SBF2: variants seen among roughly 807,000 people sequenced by gnomAD.
SBF2 encodes the protein SET binding factor 2, also known as myotubularin-related protein 13.
SBF2 carries 112 observed loss-of-function variants against 225.2 expected under a neutral mutation model. The ratio of observed to expected loss-of-function variants is 0.50; its 90% CI spans 0.43 to 0.58. SBF2 has a LOEUF of 0.58. Among genes scored for constraint, SBF2 ranks in the 20% least tolerant of loss-of-function variants. The pLI is 0.00. For missense variants in SBF2, 1,996 were observed against 2,206.2 expected, an observed-to-expected ratio of 0.90 and a Z score of 1.91; for synonymous variants, 763 against 773.3, an observed-to-expected ratio of 0.99 and a Z score of 0.22.
intron 2 of SBF2, among the ~76,000 whole-genome samples, chr11:10,170,598 T>G (rs12800695): frequency 3.3e-5 from 5 of 152,068 alleles, no homozygotes; most frequent in Non-Finnish European, 7.4e-5. Context: ...TTTATTTTTA[T>G]TTTTTTGCTC....
chr11:9,991,598 A>G (rs187295124), intron 12 of SBF2, among the ~76,000 whole-genome samples: 1 of 152,314 alleles, frequency 6.6e-6, no homozygotes, highest in Admixed American at 6.5e-5. Context: ...TGAAATGAGA[A>G]TAATATTCTT....
chr11:9,794,705 A>AAAAAAAAAAAAAC (rs1478606052), intron 33 of SBF2, among the ~76,000 whole-genome samples: 3 of 145,206 alleles, frequency 2.1e-5, no homozygotes, highest in East Asian at 2.0e-4. Flanking sequence ...AAAAAAAAAA[A>AAAAAAAAAAAAAC]AAGACCAGGC....
intron 2 of SBF2, among the ~76,000 whole-genome samples, chr11:10,192,206 G>C (rs1312646228): frequency 6.6e-6 from 1 of 152,182 alleles, no homozygotes; most frequent in East Asian, 1.9e-4. Context: ...AAAGAGAAAG[G>C]AATGCAAAGG....
At chr11:10,269,519 C>G (rs1178610302) in intron 1 of SBF2, among the ~76,000 whole-genome samples, 1 of 152,128 alleles carries the variant, frequency 6.6e-6, no homozygotes, top group Admixed American at 6.5e-5. Flanking sequence ...ATCCTTGACC[C>G]GGCAGTTCCA....
At chr11:10,153,819 C>T (rs1955339036) in intron 2 of SBF2, among the ~76,000 whole-genome samples, 1 of 151,972 alleles carries the variant, frequency 6.6e-6, no homozygotes. Flanking sequence ...ACATTTAGGT[C>T]TATGATTTAT....
chr11:9,781,739 A>G, intron 38 of SBF2, 101 bp from the exon 39 acceptor site: 2 of 1,374,488 alleles, frequency 1.5e-6, no homozygotes, highest in Non-Finnish European at 2.1e-6. Flanking sequence ...CCTTGGTTAT[A>G]TATGCTGAAC....
rs1015856288 is a variant in SBF2, at chr11:9,958,784, G to A, written c.1860+3173C>T. 1.9e-4 allele frequency: 93 copies of A among 498,684 alleles called. 1 individual carries two copies. Among genetic ancestry groups the A allele is most frequent in the African/African-American group, 9.3e-4 (48 of 51,496 alleles). 30.9% of individuals were successfully genotyped at this position (498,684 alleles called of 1,614,324 possible). A position where few individuals can be genotyped will look rare whatever the true frequency, so the allele number is the denominator to read the frequency against. ...GCTCAACTCCGGTTTGAGAAGACACGGGCAGATGAGGGCTTCTGTCACCGA... is the reference window on the plus strand; with the variant it reads ...GCTCAACTCCGGTTTGAGAAGACACAGGCAGATGAGGGCTTCTGTCACCGA... On this transcript the variant is annotated intron_variant, in intron 16 of 39. Coordinates refer to ENST00000256190, the MANE Select transcript of SBF2 (RefSeq NM_030962.4).
rs778049558 is a variant in SBF2 at position 9,790,620 on chromosome 11, A to G, written c.4634T>C (p.Ile1545Thr). 9 of 1,590,498 alleles carry G rather than the reference A, an allele frequency of 5.7e-6. No homozygotes were observed. Among genetic ancestry groups the G allele is most frequent in the East Asian group, 2.2e-5 (1 of 44,720 alleles). The change falls in exon 34 of 40, where the codon ATT becomes ACT. Residue 1545 changes from isoleucine to threonine, a missense_variant. Physicochemically the swap from Ile to Thr is moderately conservative, Grantham distance 89. Coordinates refer to ENST00000256190, the MANE Select transcript of SBF2 (RefSeq NM_030962.4). ...AKKGVCIWEC[I>T]DRMHKRSPIF... Reference sequence around the variant, plus strand: ...GGGACTCCTCTTGTGCATTCTGTCAATACATTCCCAAATACAGACTCCTTT... The same window carrying G: ...GGGACTCCTCTTGTGCATTCTGTCAGTACATTCCCAAATACAGACTCCTTT...
chr11:10,214,839 A>G (rs534268760), intron 1 of SBF2, among the ~76,000 whole-genome samples: 6 of 152,304 alleles, frequency 3.9e-5, no homozygotes, highest in South Asian at 4.1e-4. Flanking sequence ...CATCTATTTA[A>G]TGGTCCAGGA....
At position 9,833,408 on chromosome 11, in the gene SBF2, CT is replaced by C. The variant is rs970368701; in HGVS notation, c.3456-989del. 1.3e-3 allele frequency among the ~76,000 whole-genome samples: 180 copies of C among 143,506 alleles called. 1 individual carries two copies. The highest frequency in any genetic ancestry group is 4.3e-3 in the African/African-American group (170 of 39,970). 94.1% of individuals were successfully genotyped at this position (143,506 alleles called of 152,430 possible). A position where few individuals can be genotyped will look rare whatever the true frequency, so the allele number is the denominator to read the frequency against. On this transcript the variant is annotated intron_variant, in intron 26 of 39. Transcript: ENST00000256190. ...AACCTCCTAACCACTAATCCTATAT[CT>C]TTTTTTTGGTGATTTTTTTTTTTTT...
intron 24 of SBF2, among the ~76,000 whole-genome samples, chr11:9,843,079 C>A (rs1280844034): frequency 1.3e-5 from 2 of 152,192 alleles, no homozygotes; most frequent in Non-Finnish European, 2.9e-5. Flanking sequence ...TGCCCTGAAC[C>A]CACTCTGGTT....
intron 2 of SBF2, among the ~76,000 whole-genome samples, chr11:10,072,652 A>G (rs1950929129): frequency 6.6e-6 from 1 of 151,812 alleles, no homozygotes; most frequent in Admixed American, 6.6e-5. Context: ...AAGGAATGCT[A>G]TCATTTGGGG....
intron 2 of SBF2, among the ~76,000 whole-genome samples, chr11:10,178,671 G>A (rs1487061722): frequency 3.5e-4 from 50 of 143,506 alleles, no homozygotes; most frequent in African/African-American, 1.0e-3. Context: ...TTAGAATGGC[G>A]ATCATTAAAA....
At chr11:10,118,727 TTAAAATTTC>T (rs1953286128) in intron 2 of SBF2, among the ~76,000 whole-genome samples, 1 of 151,934 alleles carries the variant, frequency 6.6e-6, no homozygotes, top group Admixed American at 6.6e-5. Context: ...ATTGAATGAG[TTAAAATTTC>T]TAAAATTTCC....
chr11:10,125,734 ATGTCC>A (rs1953718759), intron 2 of SBF2, among the ~76,000 whole-genome samples: 1 of 152,210 alleles, frequency 6.6e-6, no homozygotes. Context: ...GTTTCCACTA[ATGTCC>A]TTTTCTGTTC....
intron 2 of SBF2, among the ~76,000 whole-genome samples, chr11:10,081,949 T>A (rs1951385062): frequency 6.6e-6 from 1 of 151,768 alleles, no homozygotes. Context: ...AATTAAAAAG[T>A]TGATACTTAG....
chr11:10,016,819 AATTAC>A (rs1180400424), intron 6 of SBF2: 1 of 152,172 alleles, frequency 6.6e-6, no homozygotes, highest in Non-Finnish European at 1.5e-5. Context: ...AAATATTTTA[AATTAC>A]ATTAATGATT....
intron 1 of SBF2, among the ~76,000 whole-genome samples, chr11:10,221,239 T>C (rs142667107): frequency 0.036 from 5,428 of 151,958 alleles, 268 homozygotes; most frequent in African/African-American, 0.11. Context: ...TGTCTCAGCC[T>C]CCCAAGTAGC....
intron 2 of SBF2, among the ~76,000 whole-genome samples, chr11:10,056,625 C>T (rs1950265910): frequency 6.6e-6 from 1 of 152,190 alleles, no homozygotes; most frequent in Admixed American, 6.5e-5. Flanking sequence ...TGTTTATTAG[C>T]TGAAGAAGCA....
Sources: gnomAD v4.1 joint callset for allele counts (sites outside exome capture counted in the v4.1 genomes callset) on GRCh38, gnomAD v4.1.1 for gene constraint, MANE v1.5 for transcripts, NCBI Gene and HGNC (gene_info 2026-07-23, HGNC 2026-07-21) for gene names.